DCC: variants seen among roughly 807,000 people sequenced by gnomAD.
The protein encoded by DCC is DCC netrin 1 receptor.
Under a neutral mutation model 172.5 loss-of-function variants are expected in DCC, and 58 were observed. That is an observed-to-expected ratio of 0.34 (90% confidence interval 0.27 to 0.42). The LOEUF is 0.42. Ranked by LOEUF, DCC falls within the 10% of genes least tolerant of loss-of-function variation. The pLI is 1.00. For missense variants in DCC, 1,740 were observed against 1,791.0 expected (o/e 0.97, Z 0.51); for synonymous variants, 709 against 644.5 (o/e 1.10, Z -1.52).
In DCC at chr18:52,925,190, T is replaced by C. The variant is rs183912680; in HGVS notation, c.849-44T>C. 4.0e-4 allele frequency: 631 copies of C among 1,591,006 alleles called. 2 individuals are homozygous for C. Among genetic ancestry groups the C allele is most frequent in the Non-Finnish European group, 2.7e-4 (315 of 1,160,318 alleles). On this transcript the variant is annotated intron_variant, in intron 4 of 28. Coordinates refer to ENST00000442544, the MANE Select transcript of DCC (RefSeq NM_005215.4). ...AAAGCTCTGAGTATCTTGCTTAATA[T>C]ATACATATGTTAATTTACTCTGCAC...
chr18:52,531,877 C>G (rs762295726), intron 1 of DCC, among the ~76,000 whole-genome samples: 6 of 152,096 alleles, frequency 3.9e-5, no homozygotes, highest in Non-Finnish European at 7.4e-5. Context: ...TACGTTCAAG[C>G]ATATTCTTGA....
At chr18:52,441,784 A>G (rs908764655) in intron 1 of DCC, among the ~76,000 whole-genome samples, 7 of 152,214 alleles carry the variant, frequency 4.6e-5, no homozygotes, top group African/African-American at 1.7e-4. Flanking sequence ...AGGTCCCACA[A>G]AGGAAAATTA....
intron 21 of DCC, among the ~76,000 whole-genome samples, chr18:53,427,400 T>A (rs1284102861): frequency 1.3e-5 from 2 of 152,164 alleles, no homozygotes; most frequent in Non-Finnish European, 2.9e-5. Flanking sequence ...AAGCCATCTT[T>A]ATGTTTTATT....
chr18:52,833,548 A>C (rs1186730567), intron 2 of DCC, among the ~76,000 whole-genome samples: 1 of 151,994 alleles, frequency 6.6e-6, no homozygotes, highest in Non-Finnish European at 1.5e-5. Context: ...CCAGAGTCTC[A>C]GATTTAGTAA....
At chr18:52,972,870 T>G (rs1433018720) in intron 5 of DCC, among the ~76,000 whole-genome samples, 2 of 152,232 alleles carry the variant, frequency 1.3e-5, no homozygotes, top group African/African-American at 4.8e-5. Flanking sequence ...GACACATCAC[T>G]GAATACAGTT....
At chr18:53,018,207 A>G (rs1830662979) in intron 5 of DCC, among the ~76,000 whole-genome samples, 1 of 152,164 alleles carries the variant, frequency 6.6e-6, no homozygotes, top group African/African-American at 2.4e-5. Context: ...AGCTAGCATC[A>G]TATTATTTCT....
rs566905262 is a variant in DCC, at chr18:53,015,445, G to T, written c.986-47860G>T. On this transcript the variant is annotated intron_variant, in intron 5 of 28. Transcript: ENST00000442544. Reference sequence around the variant, plus strand: ...CAAGTTTATTGAACACTTTGTTTCTGATGTAGACTAACCTTCAGTTGGTTG... The same window carrying T: ...CAAGTTTATTGAACACTTTGTTTCTTATGTAGACTAACCTTCAGTTGGTTG... Among the ~76,000 whole-genome samples the T allele has an allele frequency of 2.6e-5, 4 of 152,244 alleles. No homozygotes were observed. In the South Asian group the frequency reaches 8.3e-4, roughly 32 times the overall value.
chr18:52,504,759 T>G (rs899883332), intron 1 of DCC, among the ~76,000 whole-genome samples: 12 of 151,916 alleles, frequency 7.9e-5, no homozygotes, highest in African/African-American at 2.9e-4. Context: ...TGCTCTACCT[T>G]TGTGCCGCCC....
At chr18:53,138,121 C>G (rs1349912464) in intron 7 of DCC, among the ~76,000 whole-genome samples, 2 of 151,976 alleles carry the variant, frequency 1.3e-5, no homozygotes, top group Non-Finnish European at 2.9e-5. Context: ...AGCCATTGTG[C>G]CCAGGGAGTA....
At chr18:53,421,462 T>C (rs1018840556) in intron 21 of DCC, among the ~76,000 whole-genome samples, 2 of 152,158 alleles carry the variant, frequency 1.3e-5, no homozygotes, top group African/African-American at 4.8e-5. Context: ...ACACTAGACC[T>C]AGAGAAGAGG....
chr18:53,439,882 A>G (rs1464229789), intron 22 of DCC, among the ~76,000 whole-genome samples: 2 of 147,176 alleles, frequency 1.4e-5, no homozygotes, highest in African/African-American at 5.0e-5. Context: ...CTCCTGCCTC[A>G]GCCTCCCAAG....
intron 9 of DCC, among the ~76,000 whole-genome samples, chr18:53,196,239 G>A (rs1008624157): frequency 1.3e-5 from 2 of 152,174 alleles, no homozygotes; most frequent in African/African-American, 4.8e-5. Context: ...CACAAAAACA[G>A]TTGCATTTGA....
intron 5 of DCC, among the ~76,000 whole-genome samples, chr18:52,965,945 A>C (rs1414961210): frequency 6.6e-6 from 1 of 152,148 alleles, no homozygotes; most frequent in Non-Finnish European, 1.5e-5. Flanking sequence ...GAGCCAGGAA[A>C]CATTTTCTCA....
At chr18:52,982,905 CTCT>C (rs752646171) in intron 5 of DCC, among the ~76,000 whole-genome samples, 3 of 152,158 alleles carry the variant, frequency 2.0e-5, no homozygotes, top group Non-Finnish European at 4.4e-5. Flanking sequence ...AACTTTCACC[CTCT>C]TCTTCTCCAT....
chr18:52,433,549 A>T (rs1033823345), intron 1 of DCC, among the ~76,000 whole-genome samples: 1 of 152,220 alleles, frequency 6.6e-6, no homozygotes, highest in Non-Finnish European at 1.5e-5. Context: ...TACACTAAAA[A>T]TTGGTTAGTC....
chr18:52,763,465 C>G, intron 2 of DCC, among the ~76,000 whole-genome samples: 1 of 152,182 alleles, frequency 6.6e-6, no homozygotes, highest in African/African-American at 2.4e-5. Context: ...ACTCCATGAG[C>G]CAACCTTGTG....
At chr18:53,025,472 C>T (rs2041942610) in intron 5 of DCC, among the ~76,000 whole-genome samples, 2 of 152,030 alleles carry the variant, frequency 1.3e-5, no homozygotes, top group South Asian at 4.1e-4. Flanking sequence ...TTGTTAAAGG[C>T]TGATGTAATC....
At chr18:53,174,597 A>G (rs2055062013) in intron 8 of DCC, among the ~76,000 whole-genome samples, 1 of 151,292 alleles carries the variant, frequency 6.6e-6, no homozygotes. Context: ...AAATTCCTTG[A>G]CACATACACT....
At chr18:53,506,576 G>A (rs182493033) in intron 27 of DCC, among the ~76,000 whole-genome samples, 4 of 152,198 alleles carry the variant, frequency 2.6e-5, no homozygotes, top group East Asian at 1.9e-4. Context: ...GAAAGGAGGC[G>A]GCCAGGTGTG....
Sources: allele counts gnomAD v4.1 joint callset (sites outside exome capture counted in the v4.1 genomes callset), GRCh38; gene constraint gnomAD v4.1.1; transcripts MANE v1.5; gene names NCBI Gene and HGNC (gene_info 2026-07-23, HGNC 2026-07-21).